The following GRM7 variants were observed in gnomAD, a reference collection of about 807,000 sequenced individuals.
The protein encoded by GRM7 is glutamate metabotropic receptor 7.
In GRM7, 35 loss-of-function variants were observed where a neutral mutation model predicts 84.5. The observed-to-expected ratio is 0.41, with a 90% CI of 0.32 to 0.55. The LOEUF (loss-of-function observed/expected upper bound fraction) is 0.55. Ranked by LOEUF, GRM7 falls within the 20% of genes least tolerant of loss-of-function variation. The pLI is 0.19. For synonymous variants in GRM7, 487 were observed against 455.1 expected, an observed-to-expected ratio of 1.07 and a Z score of -0.89; for missense variants, 1,003 against 1,194.6, an observed-to-expected ratio of 0.84 and a Z score of 2.36.
At chr3:7,195,520 A>T (rs943148678) in intron 2 of GRM7, among the ~76,000 whole-genome samples, 5 of 152,126 alleles carry the variant, frequency 3.3e-5, no homozygotes, top group Non-Finnish European at 5.9e-5. Flanking sequence ...AAAGTAAGAG[A>T]AATTTGGGAT....
intron 1 of GRM7, among the ~76,000 whole-genome samples, chr3:6,931,274 C>T (rs1357404421): frequency 6.6e-6 from 1 of 152,050 alleles, no homozygotes; most frequent in African/African-American, 2.4e-5. Context: ...CTTTGTCTAG[C>T]CATAGTGGAG....
intron 1 of GRM7, among the ~76,000 whole-genome samples, chr3:7,109,072 C>G (rs1692754347): frequency 6.6e-6 from 1 of 151,910 alleles, no homozygotes; most frequent in South Asian, 2.1e-4. Flanking sequence ...GGGAAGTGTC[C>G]ATGGCCGAGT....
At position 7,188,105 on chromosome 3, in the gene GRM7, C is replaced by T. The variant is rs1427819515; in HGVS notation, c.736+41437C>T. Among the ~76,000 whole-genome samples the T allele has an allele frequency of 3.3e-5, 5 of 152,062 alleles. No homozygotes were observed. The highest frequency in any genetic ancestry group is 9.7e-5 in the African/African-American group (4 of 41,398). On this transcript the variant is annotated intron_variant, in intron 2 of 9. Transcript: ENST00000357716. The surrounding 1 kb of genome is among the most constrained non-coding windows in gnomAD (Gnocchi z 4.2). ...TGTGGGGTGGGTATTGGCTATTATACTTAGCATTATACTTGGGCAGGAGGA... is the reference window on the plus strand; with the variant it reads ...TGTGGGGTGGGTATTGGCTATTATATTTAGCATTATACTTGGGCAGGAGGA...
intron 4 of GRM7, among the ~76,000 whole-genome samples, chr3:7,405,057 C>G (rs1270468447): frequency 6.6e-6 from 1 of 152,070 alleles, no homozygotes; most frequent in Non-Finnish European, 1.5e-5. Context: ...TGTTCAGTAG[C>G]TAAAATCCAT....
chr3:7,571,292 C>T (rs1210552723), intron 7 of GRM7, among the ~76,000 whole-genome samples: 1 of 152,120 alleles, frequency 6.6e-6, no homozygotes, highest in Non-Finnish European at 1.5e-5. Context: ...CATTGCCAGG[C>T]TGCAGATTTT....
intron 4 of GRM7, among the ~76,000 whole-genome samples, chr3:7,343,451 C>A (rs1467327369): frequency 6.6e-6 from 1 of 152,028 alleles, no homozygotes; most frequent in African/African-American, 2.4e-5. Flanking sequence ...TGAGCTCAAG[C>A]AATCCTCACA....
chr3:7,019,456 C>G (rs1411339858), intron 1 of GRM7, among the ~76,000 whole-genome samples: 1 of 152,172 alleles, frequency 6.6e-6, no homozygotes, highest in African/African-American at 2.4e-5. Context: ...CCATCCCTCT[C>G]TCTCCCCTAA....
chr3:7,311,663 G>C (rs1207170226), intron 4 of GRM7, among the ~76,000 whole-genome samples: 1 of 149,146 alleles, frequency 6.7e-6, no homozygotes, highest in African/African-American at 2.5e-5. Context: ...GCGCAGTCTT[G>C]GCTTACTGCA....
intron 7 of GRM7, among the ~76,000 whole-genome samples, chr3:7,492,799 T>C (rs1388382851): frequency 6.6e-6 from 1 of 152,122 alleles, no homozygotes; most frequent in African/African-American, 2.4e-5. Flanking sequence ...ACAACTTTCC[T>C]CACTTTAATG....
At chr3:7,665,258 G>A (rs1467464728) in intron 8 of GRM7, among the ~76,000 whole-genome samples, 5 of 143,652 alleles carry the variant, frequency 3.5e-5, no homozygotes, top group South Asian at 2.2e-4. Context: ...TGCAAGATCC[G>A]CCTCCCGGGT....
At chr3:7,124,855 T>G (rs1693344441) in intron 1 of GRM7, among the ~76,000 whole-genome samples, 1 of 152,224 alleles carries the variant, frequency 6.6e-6, no homozygotes, top group Non-Finnish European at 1.5e-5. Flanking sequence ...AAAACATTAA[T>G]GAAATATAGC....
chr3:7,705,346 C>A (rs1400182244), intron 9 of GRM7, among the ~76,000 whole-genome samples: 3 of 152,154 alleles, frequency 2.0e-5, no homozygotes, highest in African/African-American at 4.8e-5. Flanking sequence ...TCCTACCCCA[C>A]AATCATTATC....
intron 4 of GRM7, among the ~76,000 whole-genome samples, chr3:7,336,506 C>T (rs1701427445): frequency 2.0e-5 from 3 of 152,022 alleles, no homozygotes; most frequent in Admixed American, 2.0e-4. Flanking sequence ...CCACTTTCAC[C>T]ACTTTTATTC....
At chr3:7,592,238 A>T (rs1183985658) in intron 8 of GRM7, among the ~76,000 whole-genome samples, 5 of 152,148 alleles carry the variant, frequency 3.3e-5, no homozygotes. Flanking sequence ...TATAAGGAGA[A>T]TATCAGACTG....
chr3:7,157,864 A>G (rs957965535), intron 2 of GRM7, among the ~76,000 whole-genome samples: 2 of 152,092 alleles, frequency 1.3e-5, no homozygotes, highest in African/African-American at 4.8e-5. Context: ...GGATTTAATA[A>G]GGTGGCCGAA....
At chr3:7,385,600 C>T (rs1322936888) in intron 4 of GRM7, among the ~76,000 whole-genome samples, 1 of 151,916 alleles carries the variant, frequency 6.6e-6, no homozygotes, top group East Asian at 1.9e-4. Context: ...GCACCCGGCC[C>T]CTCTATGTGG....
intron 1 of GRM7, among the ~76,000 whole-genome samples, chr3:7,090,593 G>A (rs1251772165): frequency 6.6e-6 from 1 of 152,154 alleles, no homozygotes; most frequent in Non-Finnish European, 1.5e-5. Flanking sequence ...TTCTTAAAAT[G>A]TCAATAGACA....
At chr3:7,168,898 A>T (rs1165259482) in intron 2 of GRM7, among the ~76,000 whole-genome samples, 1 of 152,178 alleles carries the variant, frequency 6.6e-6, no homozygotes, top group Non-Finnish European at 1.5e-5. Context: ...CCTCTACATT[A>T]CTCATATCAA....
At chr3:6,963,960 C>T (rs931989430) in intron 1 of GRM7, among the ~76,000 whole-genome samples, 2 of 152,130 alleles carry the variant, frequency 1.3e-5, no homozygotes, top group African/African-American at 4.8e-5. Flanking sequence ...CAAGCTACTG[C>T]CTTCATTTCA....
Sources: allele counts gnomAD v4.1 joint callset (sites outside exome capture counted in the v4.1 genomes callset), GRCh38; gene constraint gnomAD v4.1.1; non-coding constraint Gnocchi (gnomAD v3.1); transcripts MANE v1.5; gene names NCBI Gene and HGNC (gene_info 2026-07-23, HGNC 2026-07-21).